The following AIM2 variants were observed in gnomAD, a reference collection of about 807,000 sequenced individuals.
AIM2 encodes absent in melanoma 2, also known as interferon-inducible protein AIM2.
In AIM2, 30 loss-of-function variants were observed where a neutral mutation model predicts 27.7. That is an observed-to-expected ratio of 1.08 (90% CI 0.81 to 1.47). The LOEUF (loss-of-function observed/expected upper bound fraction) is 1.47. Among genes scored for constraint, AIM2 ranks in the 40% most tolerant of loss-of-function variants. The probability of loss-of-function intolerance (pLI) is 0.00; values close to 1 mark genes in which losing one functional copy is unlikely to be tolerated. For synonymous variants in AIM2, 141 were observed against 145.3 expected, an observed-to-expected ratio of 0.97 and a Z score of 0.21; for missense variants, 358 against 411.3, an observed-to-expected ratio of 0.87 and a Z score of 1.12.
At chr1:159,098,712 G>A (rs555144759) in intron 1 of AIM2, among the ~76,000 whole-genome samples, 2 of 152,304 alleles carry the variant, frequency 1.3e-5, no homozygotes, top group Non-Finnish European at 2.9e-5. Context: ...TAGAGTTAGT[G>A]ACATCTAAGC....
intron 1 of AIM2, among the ~76,000 whole-genome samples, chr1:159,130,218 C>T (rs754992781): frequency 1.3e-5 from 2 of 152,196 alleles, no homozygotes; most frequent in Admixed American, 6.5e-5. Flanking sequence ...ATGATGGGTT[C>T]CTCAGGGCTT....
intron 1 of AIM2, among the ~76,000 whole-genome samples, chr1:159,087,840 T>A (rs184299651): frequency 1.3e-3 from 201 of 152,262 alleles, no homozygotes; most frequent in African/African-American, 4.5e-3. Context: ...CCCAAAGTGC[T>A]GGAATTAGTT....
intron 1 of AIM2, among the ~76,000 whole-genome samples, chr1:159,087,762 G>A (rs886630777): frequency 7.9e-5 from 12 of 151,802 alleles, no homozygotes; most frequent in Admixed American, 3.3e-4. Flanking sequence ...TAGTAGAGAC[G>A]GGGTTTCACC....
rs139999412 is a variant in AIM2, at chr1:159,088,615, G to A, written c.-15-22286C>T. On this transcript the variant is annotated intron_variant, in intron 1 of 2. Coordinates refer to the AIM2 transcript ENST00000368129. ...CGTGTTGAAATTTAATCCCTGATGT[G>A]GTAATATTGACAGGTGGGGTCTTTA... Among the ~76,000 whole-genome samples the A allele has an allele frequency of 1.1e-3, 170 of 152,302 alleles. 3 individuals carry two copies. Among genetic ancestry groups the A allele is most frequent in the African/African-American group, 3.9e-3 (163 of 41,566 alleles).
At chr1:159,108,602 T>G (rs1467500476) in intron 1 of AIM2, among the ~76,000 whole-genome samples, 1 of 152,130 alleles carries the variant, frequency 6.6e-6, no homozygotes, top group Non-Finnish European at 1.5e-5. Context: ...GAAGTCAAAC[T>G]GTTGCTGTTT....
chr1:159,083,559 T>C (rs371341341), intron 1 of AIM2, among the ~76,000 whole-genome samples: 2 of 152,206 alleles, frequency 1.3e-5, no homozygotes, highest in Admixed American at 6.5e-5. Context: ...TAAATGCTCA[T>C]TGAAGTATCT....
chr1:159,084,311 T>G (rs750508304), intron 1 of AIM2, among the ~76,000 whole-genome samples: 4 of 152,122 alleles, frequency 2.6e-5, no homozygotes, highest in South Asian at 2.1e-4. Context: ...AGCCCACTTA[T>G]TTCTGGTTCT....
intron 4 of AIM2, 43 bp downstream of exon 4, chr1:159,065,867 G>A (rs565350010): frequency 9.2e-6 from 14 of 1,527,260 alleles, no homozygotes; most frequent in South Asian, 9.2e-5. Context: ...TGGGAAATAC[G>A]TTATTCTTAC....
intron 1 of AIM2, among the ~76,000 whole-genome samples, chr1:159,102,428 A>G (rs920815342): frequency 6.6e-6 from 1 of 152,250 alleles, no homozygotes; most frequent in Non-Finnish European, 1.5e-5. Flanking sequence ...CAGAGTCCCT[A>G]CTGGGGCACT....
chr1:159,109,216 G>A (rs969855125), intron 1 of AIM2, among the ~76,000 whole-genome samples: 1 of 152,118 alleles, frequency 6.6e-6, no homozygotes, highest in Non-Finnish European at 1.5e-5. Flanking sequence ...TAGGCACATA[G>A]AGCAATGGAA....
intron 5 of AIM2, among the ~76,000 whole-genome samples, chr1:159,062,932 G>A (rs554797750): frequency 6.6e-6 from 1 of 152,112 alleles, no homozygotes; most frequent in Non-Finnish European, 1.5e-5. Context: ...GGTCACATAC[G>A]CATATTTCTC....
intron 5 of AIM2, 92 bp from the exon 6 acceptor site, chr1:159,062,810 T>C (rs1655890587): frequency 4.0e-5 from 47 of 1,160,600 alleles, no homozygotes; most frequent in Non-Finnish European, 5.2e-5. Context: ...GAAGTGTATG[T>C]ATCATCTTCT....
intron 2 of AIM2, among the ~76,000 whole-genome samples, chr1:159,072,617 A>T (rs1198723358): frequency 6.6e-6 from 1 of 152,054 alleles, no homozygotes; most frequent in Non-Finnish European, 1.5e-5. Flanking sequence ...TGAATAATGT[A>T]AAAAAAATCT....
At chr1:159,143,294 C>T (rs144139960), upstream of AIM2, among the ~76,000 whole-genome samples, 635 of 152,254 alleles carry the variant, frequency 4.2e-3, 7 homozygotes, top group African/African-American at 0.015. Flanking sequence ...AAAGCAGCTA[C>T]TCCAACCAGG....
intron 1 of AIM2, among the ~76,000 whole-genome samples, chr1:159,084,371 A>T (rs1318642469): frequency 3.3e-5 from 5 of 152,150 alleles, no homozygotes; most frequent in Admixed American, 3.3e-4. Context: ...AAACACAGCT[A>T]GACTTCCTAC....
At chr1:159,123,003 A>G (rs535847258) in intron 1 of AIM2, among the ~76,000 whole-genome samples, 1 of 152,338 alleles carries the variant, frequency 6.6e-6, no homozygotes, top group East Asian at 1.9e-4. Context: ...AAAACGATTT[A>G]GTCATTTCAT....
In AIM2 at chr1:159,114,451, T is replaced by A. The variant is rs573930530; in HGVS notation, c.-16+25980A>T. Among the ~76,000 whole-genome samples the A allele has an allele frequency of 2.6e-5, 4 of 152,276 alleles. No homozygotes were observed. In the South Asian group the frequency reaches 8.3e-4, roughly 32 times the overall value. ...TAAAGTCACTTGGGGACGGGCATGG[T>A]GGCTCATGCTTGTAATCCCAACACT... On this transcript the variant is annotated intron_variant, in intron 1 of 2. Coordinates refer to the AIM2 transcript ENST00000368129.
chr1:159,138,479 C>T (rs972236906), intron 1 of AIM2, among the ~76,000 whole-genome samples: 4 of 152,184 alleles, frequency 2.6e-5, no homozygotes, highest in African/African-American at 9.7e-5. Flanking sequence ...CTCCATAGTA[C>T]ATATCACTAC....
intron 1 of AIM2, among the ~76,000 whole-genome samples, chr1:159,123,758 A>T (rs1235935813): frequency 6.6e-6 from 1 of 152,236 alleles, no homozygotes; most frequent in Non-Finnish European, 1.5e-5. Context: ...TTTAAATCAC[A>T]ACAGCTAACT....
Sources: gnomAD v4.1 joint callset for allele counts (sites outside exome capture counted in the v4.1 genomes callset) on GRCh38, gnomAD v4.1.1 for gene constraint, MANE v1.5 for transcripts, NCBI Gene and HGNC (gene_info 2026-07-23, HGNC 2026-07-21) for gene names.